Variants in HIPK3 observed in about 807,000 individuals in gnomAD.
HIPK3 encodes the protein homeodomain-interacting protein kinase 3.
Under a neutral mutation model 124.2 loss-of-function variants are expected in HIPK3, and 47 were observed. The ratio of observed to expected loss-of-function variants is 0.38; its 90% CI spans 0.30 to 0.48. The LOEUF (loss-of-function observed/expected upper bound fraction) is 0.48, where lower values mean the gene tolerates loss of function less well. Ranked by LOEUF, HIPK3 falls within the 20% of genes least tolerant of loss-of-function variation. The probability of loss-of-function intolerance (pLI) is 0.98; values close to 1 mark genes in which losing one functional copy is unlikely to be tolerated. For synonymous variants in HIPK3, 482 were observed against 515.2 expected (o/e 0.94, Z 0.87); for missense variants, 1,286 against 1,454.3 (o/e 0.88, Z 1.88).
At chr11:33,279,854 C>G (rs2133890296) in intron 1 of HIPK3, among the ~76,000 whole-genome samples, 1 of 151,958 alleles carries the variant, frequency 6.6e-6, no homozygotes, top group East Asian at 1.9e-4. Flanking sequence ...TTTGCTGTAT[C>G]CTTACGTGGT....
Position 33,348,235 on chromosome 11 carries a change from T to TTGTC in HIPK3, c.2369+9_2369+12dup, listed in dbSNP as rs1853556929. 1.2e-6 allele frequency: 2 copies of TTGTC among 1,610,950 alleles called. No homozygotes were observed. Among genetic ancestry groups the TTGTC allele is most frequent in the African/African-American group, 2.7e-5 (2 of 74,982 alleles). On this transcript the variant is annotated splice_region_variant and intron_variant, in intron 12 of 16. Transcript: ENST00000303296. ...AAATAAATGCTTTCAGTTGGTAAGA[T>TTGTC]TGTCTTTATTGCCCTTTTGATTTAT...
At chr11:33,344,337 C>T (rs1853432122) in intron 8 of HIPK3, among the ~76,000 whole-genome samples, 1 of 152,054 alleles carries the variant, frequency 6.6e-6, no homozygotes, top group Admixed American at 6.5e-5. Context: ...GTAATCCCTC[C>T]CATGTACCAA....
At chr11:33,324,822 C>T (rs915864158) in intron 2 of HIPK3, among the ~76,000 whole-genome samples, 4 of 152,212 alleles carry the variant, frequency 2.6e-5, no homozygotes, top group African/African-American at 9.7e-5. Flanking sequence ...TCCTTTGCCT[C>T]TCTTCTTCCA....
intron 1 of HIPK3, among the ~76,000 whole-genome samples, chr11:33,273,448 G>A (rs1376708937): frequency 2.9e-5 from 3 of 103,102 alleles, no homozygotes; most frequent in African/African-American, 1.2e-4. Context: ...GGCGGAGCTT[G>A]CAGTGAGCCG....
chr11:33,347,481 G>C (rs1490791575), intron 9 of HIPK3, 67 bp downstream of exon 9: 1 of 1,600,380 alleles, frequency 6.2e-7, no homozygotes, highest in Non-Finnish European at 8.5e-7. Flanking sequence ...AAATGACCTG[G>C]ATAGGGATTT....
chr11:33,341,227 A>T, intron 7 of HIPK3, 100 bp downstream of exon 7: 1 of 834,206 alleles, frequency 1.2e-6, no homozygotes, highest in Non-Finnish European at 1.8e-6. Flanking sequence ...GTTAGAATGT[A>T]CAGTGCTGTG....
rs770455452 is a variant in HIPK3 at position 33,286,777 on chromosome 11, C to A, written c.363C>A (p.Gly121=). 6.8e-6 allele frequency: 11 copies of A among 1,614,072 alleles called. 1 individual carries two copies. In the South Asian group the frequency reaches 1.1e-4, roughly 16 times the overall value. ...AWRNRLHFLE[G]PQRCGLKRKS... ...GAAACAGATTGCATTTCCTAGAAGGCCCCCAGCGATGTGGATTGAAGCGCA... is the reference window on the plus strand; with the variant it reads ...GAAACAGATTGCATTTCCTAGAAGGACCCCAGCGATGTGGATTGAAGCGCA... The change falls in exon 2 of 17, where the codon GGC becomes GGA. Residue 121 remains glycine (G), a synonymous_variant. Coordinates refer to ENST00000303296, the MANE Select transcript of HIPK3 (RefSeq NM_005734.5).
In HIPK3 at chr11:33,348,729, T is replaced by G; in HGVS notation, c.2577T>G (p.Ile859Met). The change falls in exon 13 of 17, where the codon ATT becomes ATG. Residue 859 changes from isoleucine to methionine, a missense_variant. By Grantham distance (10) the Ile-to-Met change is conservative (BLOSUM62 1). Around this residue, in one of 3 missense-constraint regions of HIPK3, gnomAD observed 810 missense variants for 864.9 expected, o/e 0.94. Coordinates refer to ENST00000303296, the MANE Select transcript of HIPK3 (RefSeq NM_005734.5). ...ACAAACAGCGGCAAACCATCATTAT[T>G]GCCGACTCCCCGAGTCCTGCAGTGA... ...VSDKQRQTII[I>M]ADSPSPAVSV... 1 of 1,614,174 alleles carries G rather than the reference T, an allele frequency of 6.2e-7. No homozygotes were observed. The highest frequency in any genetic ancestry group is 8.5e-7 in the Non-Finnish European group (1 of 1,180,002).
intron 2 of HIPK3, among the ~76,000 whole-genome samples, chr11:33,306,004 C>T (rs1405711501): frequency 6.6e-6 from 1 of 152,088 alleles, no homozygotes; most frequent in African/African-American, 2.4e-5. Flanking sequence ...GTAGTTGGGA[C>T]TACAGGTGGG....
chr11:33,314,478 AC>A (rs1304739411), intron 2 of HIPK3, among the ~76,000 whole-genome samples: 1 of 151,798 alleles, frequency 6.6e-6, no homozygotes, highest in African/African-American at 2.4e-5. Flanking sequence ...TGTGGTAAAA[AC>A]CCGTCTCTAC....
intron 1 of HIPK3, among the ~76,000 whole-genome samples, chr11:33,284,599 A>G (rs897558027): frequency 1.3e-5 from 2 of 152,192 alleles, no homozygotes; most frequent in Admixed American, 6.5e-5. Flanking sequence ...TGGAGGCTGC[A>G]GTGAGCTATG....
chr11:33,286,628 C>A lies in HIPK3; in HGVS notation c.214C>A (p.Arg72=), dbSNP rs755320304. The A allele has an allele frequency of 1.2e-6, 2 of 1,614,076 alleles. No individual in the cohort carries two copies. ...FQTKIPFNRP[R]GHNFSLQTSA... is the part of the protein sequence containing the mutation. ...GACAAAGATACCATTTAATAGACCTCGAGGACACAACTTTTCATTGCAGAC... is the reference window on the plus strand; with the variant it reads ...GACAAAGATACCATTTAATAGACCTAGAGGACACAACTTTTCATTGCAGAC... Residue 72 remains arginine, a synonymous_variant, in exon 2 of 17, where the codon CGA becomes AGA. Transcript: ENST00000303296.
intron 2 of HIPK3, among the ~76,000 whole-genome samples, chr11:33,302,645 T>TTA (rs1852039402): frequency 6.6e-6 from 1 of 152,150 alleles, no homozygotes; most frequent in Non-Finnish European, 1.5e-5. Context: ...ACTTATTTGT[T>TTA]GTTATATAAT....
chr11:33,287,490 A>G lies in HIPK3; in HGVS notation c.1076A>G (p.Tyr359Cys). 2 of 1,611,150 alleles carry G rather than the reference A, an allele frequency of 1.2e-6. No homozygotes were observed. The highest frequency in any genetic ancestry group is 1.7e-6 in the Non-Finnish European group (2 of 1,177,942). Residue 359 changes from tyrosine (Y) to cysteine (C), a missense_variant, in exon 2 of 17, where the codon TAT becomes TGT. This residue lies in a region of HIPK3 where 251 missense variants were observed against 349.1 expected (regional missense o/e 0.72). Coordinates refer to ENST00000303296, the MANE Select transcript of HIPK3 (RefSeq NM_005734.5). ...GTATCAAAGACTGTTTGTTCAACATATCTACAATCTCGGTACTACAGGTAG... is the reference window on the plus strand; with the variant it reads ...GTATCAAAGACTGTTTGTTCAACATGTCTACAATCTCGGTACTACAGGTAG... ...SHVSKTVCST[Y>C]LQSRYYRAPE...
intron 1 of HIPK3, 113 bp downstream of exon 1, chr11:33,258,002 C>G (rs1170021329): frequency 5.8e-6 from 5 of 865,252 alleles, no homozygotes; most frequent in Non-Finnish European, 6.9e-6. Context: ...CCGACACCTC[C>G]GGCGCAGCCC....
chr11:33,322,386 T>C (rs1852690561), intron 2 of HIPK3, among the ~76,000 whole-genome samples: 1 of 152,212 alleles, frequency 6.6e-6, no homozygotes, highest in Non-Finnish European at 1.5e-5. Context: ...CCATGTTCTT[T>C]TATATTGGAT....
intron 1 of HIPK3, among the ~76,000 whole-genome samples, chr11:33,266,432 A>G (rs1448167359): frequency 2.0e-5 from 3 of 152,060 alleles, no homozygotes; most frequent in African/African-American, 4.8e-5. Context: ...AAAAATATGA[A>G]CACTTCTGTA....
At chr11:33,350,843 T>C (rs1468996032) in intron 14 of HIPK3, among the ~76,000 whole-genome samples, 1 of 152,236 alleles carries the variant, frequency 6.6e-6, no homozygotes, top group African/African-American at 2.4e-5. Flanking sequence ...AAGGAAATTT[T>C]AATGTATCTT....
intron 16 of HIPK3, among the ~76,000 whole-genome samples, chr11:33,352,881 T>C (rs1853706854): frequency 6.6e-6 from 1 of 152,128 alleles, no homozygotes; most frequent in African/African-American, 2.4e-5. Flanking sequence ...TATATTATAA[T>C]AATATGTAGT....
Sources: gnomAD v4.1 joint callset for allele counts (sites outside exome capture counted in the v4.1 genomes callset) on GRCh38, gnomAD v4.1.1 for gene constraint, gnomAD v4.1.1 regional missense constraint, MANE v1.5 for transcripts, NCBI Gene and HGNC (gene_info 2026-07-23, HGNC 2026-07-21) for gene names.